The following PDE4D variants were observed in gnomAD, a reference collection of about 807,000 sequenced individuals.
PDE4D encodes the protein 3',5'-cyclic-AMP phosphodiesterase 4D.
In PDE4D, 24 loss-of-function variants were observed where a neutral mutation model predicts 87.4. That is an observed-to-expected ratio of 0.27 (90% CI 0.20 to 0.39). The LOEUF is 0.39. Ranked by LOEUF, PDE4D falls within the 10% of genes least tolerant of loss-of-function variation. The pLI is 1.00. For synonymous variants in PDE4D, 384 were observed against 383.2 expected, an observed-to-expected ratio of 1.00 and a Z score of -0.02; for missense variants, 714 against 1,041.0, an observed-to-expected ratio of 0.69 and a Z score of 4.32.
chr5:59,830,830 A>G (rs1179902201), intron 1 of PDE4D, among the ~76,000 whole-genome samples: 1 of 152,114 alleles, frequency 6.6e-6, no homozygotes, highest in Non-Finnish European at 1.5e-5. Context: ...TCAGTTAAAC[A>G]GTTTTTCTTT....
intron 1 of PDE4D, among the ~76,000 whole-genome samples, chr5:60,396,634 G>T (rs1461504504): frequency 6.6e-6 from 1 of 152,070 alleles, no homozygotes; most frequent in African/African-American, 2.4e-5. Context: ...TGCCTCAAGG[G>T]AGCCTGCCTC....
At chr5:59,124,804 A>G (rs1332924788) in intron 5 of PDE4D, among the ~76,000 whole-genome samples, 1 of 152,154 alleles carries the variant, frequency 6.6e-6, no homozygotes, top group Non-Finnish European at 1.5e-5. Context: ...TCTGGAGAGG[A>G]TGGAAGAAAA....
chr5:59,313,663 T>C (rs1158168163), intron 1 of PDE4D, among the ~76,000 whole-genome samples: 1 of 152,116 alleles, frequency 6.6e-6, no homozygotes, highest in Non-Finnish European at 1.5e-5. Context: ...AAATGTAAGG[T>C]ACAAAGTATC....
intron 1 of PDE4D, among the ~76,000 whole-genome samples, chr5:60,329,792 T>G (rs745329454): frequency 6.6e-6 from 1 of 152,198 alleles, no homozygotes; most frequent in Non-Finnish European, 1.5e-5. Context: ...TTGTTTGTCC[T>G]CTATGATTTG....
chr5:59,631,301 G>T (rs73099685), intron 1 of PDE4D, among the ~76,000 whole-genome samples: 3,411 of 152,198 alleles, frequency 0.022, 122 homozygotes, highest in African/African-American at 0.078. Context: ...GAACCCACCT[G>T]TGTTCTTAAC....
intron 1 of PDE4D, among the ~76,000 whole-genome samples, chr5:59,511,330 A>G (rs984357132): frequency 9.2e-5 from 14 of 152,000 alleles, no homozygotes; most frequent in Admixed American, 7.9e-4. Flanking sequence ...TTTAAGGAAT[A>G]ATAATGTGGT....
At chr5:59,240,936 A>T (rs1181588752) in intron 1 of PDE4D, among the ~76,000 whole-genome samples, 1 of 152,142 alleles carries the variant, frequency 6.6e-6, no homozygotes, top group Non-Finnish European at 1.5e-5. Context: ...TCTTCAAGTC[A>T]TTTAGTCTCT....
intron 5 of PDE4D, among the ~76,000 whole-genome samples, chr5:59,046,986 T>C (rs187151068): frequency 2.6e-5 from 4 of 152,320 alleles, no homozygotes; most frequent in African/African-American, 9.6e-5. Context: ...GCTACTAATC[T>C]TTCTAGGGCC....
intron 1 of PDE4D, among the ~76,000 whole-genome samples, chr5:59,638,995 T>A (rs1000024921): frequency 5.3e-5 from 8 of 152,208 alleles, no homozygotes; most frequent in Non-Finnish European, 1.0e-4. Flanking sequence ...ATTTTAGTTT[T>A]ATTTTGCTTT....
At chr5:60,131,417 T>A (rs1779570877) in intron 2 of PDE4D, among the ~76,000 whole-genome samples, 2 of 152,226 alleles carry the variant, frequency 1.3e-5, no homozygotes, top group South Asian at 4.1e-4. Flanking sequence ...AACAGTCTGT[T>A]GCGATATCCT....
intron 1 of PDE4D, among the ~76,000 whole-genome samples, chr5:60,478,083 A>G (rs1748461226): frequency 6.6e-6 from 1 of 152,184 alleles, no homozygotes; most frequent in Non-Finnish European, 1.5e-5. Context: ...CCTCCAAATA[A>G]CAAAGGAGAT....
intron 11 of PDE4D, among the ~76,000 whole-genome samples, chr5:58,980,654 T>C (rs965631250): frequency 6.6e-6 from 1 of 151,504 alleles, no homozygotes; most frequent in Non-Finnish European, 1.5e-5. Context: ...AAGACCACTT[T>C]TGTGTCCCTC....
chr5:59,114,171 ATT>A (rs35182359), intron 5 of PDE4D, among the ~76,000 whole-genome samples: 1 of 150,928 alleles, frequency 6.6e-6, no homozygotes, highest in Non-Finnish European at 1.5e-5. Flanking sequence ...ATGCAGAAAA[ATT>A]TTTTTTTTGT....
intron 1 of PDE4D, among the ~76,000 whole-genome samples, chr5:59,633,281 T>C (rs1366461063): frequency 6.6e-6 from 1 of 152,192 alleles, no homozygotes; most frequent in Non-Finnish European, 1.5e-5. Context: ...CTGAAAGAGA[T>C]GGGAAGAATG....
At chr5:60,485,711 A>AT (rs1253423473) in intron 1 of PDE4D, among the ~76,000 whole-genome samples, 3 of 151,764 alleles carry the variant, frequency 2.0e-5, no homozygotes, top group Non-Finnish European at 2.9e-5. Context: ...TGTTTGGGAG[A>AT]TTTTTTTTGC....
intron 6 of PDE4D, among the ~76,000 whole-genome samples, chr5:59,023,189 A>AAG (rs1554048677): frequency 5.7e-4 from 86 of 150,310 alleles, no homozygotes; most frequent in South Asian, 8.4e-4. Context: ...AAAAAAAAAA[A>AAG]AGAGAGAGAG....
intron 2 of PDE4D, among the ~76,000 whole-genome samples, chr5:60,044,453 T>C (rs375326934): frequency 7.9e-5 from 12 of 152,236 alleles, no homozygotes; most frequent in South Asian, 4.1e-4. Context: ...CATGCTGGTG[T>C]GCTGCACCCA....
chr5:60,514,858 A>G (rs576198378), intron 1 of PDE4D, among the ~76,000 whole-genome samples: 59 of 152,164 alleles, frequency 3.9e-4, no homozygotes, highest in African/African-American at 1.1e-3. Flanking sequence ...CAAGGGGGGG[A>G]AAACAAGAAA....
At chr5:59,722,898 C>T (rs1000000597) in intron 1 of PDE4D, among the ~76,000 whole-genome samples, 2 of 152,000 alleles carry the variant, frequency 1.3e-5, no homozygotes, top group Non-Finnish European at 2.9e-5. Flanking sequence ...ACGTGTTTGC[C>T]CTTTTTCTGT....
Sources: gnomAD v4.1 joint callset for allele counts (sites outside exome capture counted in the v4.1 genomes callset) on GRCh38, gnomAD v4.1.1 for gene constraint, MANE v1.5 for transcripts, NCBI Gene and HGNC (gene_info 2026-07-23, HGNC 2026-07-21) for gene names.